The following CEMIP2 variants were observed in gnomAD, a reference collection of about 807,000 sequenced individuals.
The protein encoded by CEMIP2 is cell migration inducing hyaluronidase 2.
In CEMIP2, 79 loss-of-function variants were observed where a neutral mutation model predicts 146.9. The observed-to-expected ratio is 0.54, with a 90% CI of 0.45 to 0.65. The LOEUF (loss-of-function observed/expected upper bound fraction) is 0.65. Ranked by LOEUF, CEMIP2 falls within the 30% of genes least tolerant of loss-of-function variation. CEMIP2 has a pLI of 0.00. For synonymous variants in CEMIP2, 601 were observed against 606.3 expected, an observed-to-expected ratio of 0.99 and a Z score of 0.13; for missense variants, 1,596 against 1,696.2, an observed-to-expected ratio of 0.94 and a Z score of 1.04.
chr9:71,722,631 G>A, intron 11 of CEMIP2, 116 bp from the exon 12 acceptor site: 1 of 710,600 alleles, frequency 1.4e-6, no homozygotes, highest in East Asian at 2.9e-5. Context: ...AAGTGGGGCA[G>A]GGAATCAACA....
intron 19 of CEMIP2, 124 bp downstream of exon 19, chr9:71,700,517 AG>A: frequency 5.9e-6 from 2 of 336,460 alleles, no homozygotes; most frequent in Non-Finnish European, 8.5e-6. Context: ...CCTCTAATAG[AG>A]AAGATGTGCA....
intron 1 of CEMIP2, among the ~76,000 whole-genome samples, chr9:71,764,295 CAT>C (rs1040962222): frequency 6.6e-6 from 1 of 152,042 alleles, no homozygotes; most frequent in African/African-American, 2.4e-5. Flanking sequence ...AAAAAATATA[CAT>C]AGTGTCTGCC....
chr9:71,685,565 A>G (rs1005508306), intron 23 of CEMIP2, among the ~76,000 whole-genome samples, 172 bp from the exon 24 acceptor site: 1 of 152,150 alleles, frequency 6.6e-6, no homozygotes, highest in Admixed American at 6.5e-5. Context: ...TTTGCCCCAG[A>G]TAACAAACCA....
At chr9:71,764,506 ATTATT>A (rs1252066893) in intron 1 of CEMIP2, among the ~76,000 whole-genome samples, 1 of 151,512 alleles carries the variant, frequency 6.6e-6, no homozygotes, top group Non-Finnish European at 1.5e-5. Flanking sequence ...ACCTTACCTA[ATTATT>A]TAGCCTCTCT....
chr9:71,702,271 A>AC (rs1380272724), intron 18 of CEMIP2, among the ~76,000 whole-genome samples: 1 of 151,296 alleles, frequency 6.6e-6, no homozygotes, highest in Non-Finnish European at 1.5e-5. Context: ...GAAAAAAAAA[A>AC]AAAAAAAAAT....
At chr9:71,730,316 G>A in intron 8 of CEMIP2, 63 bp from the exon 9 acceptor site, 1 of 1,502,960 alleles carries the variant, frequency 6.7e-7, no homozygotes, top group South Asian at 1.2e-5. Flanking sequence ...TAAGTGACAA[G>A]CGCTATCCAG....
Position 71,750,103 on chromosome 9 carries a change from A to C in CEMIP2, c.271T>G (p.Phe91Val). ...NTFICFAITS[F>V]SFFIALAIIL... ...ATTGCAAGTGCAATAAAAAATGAGA[A>C]ACTAGTAATAGCAAAACAAATGAAA... Residue 91 changes from phenylalanine to valine, a missense_variant, in exon 2 of 24, where the codon TTC becomes GTC. Transcript: ENST00000377044. The C allele has an allele frequency of 6.2e-7, 1 of 1,613,416 alleles. No individual in the cohort carries two copies. The highest frequency in any genetic ancestry group is 8.5e-7 in the Non-Finnish European group (1 of 1,179,830).
intron 12 of CEMIP2, 83 bp from the exon 13 acceptor site, chr9:71,718,162 C>A: frequency 7.8e-7 from 1 of 1,278,760 alleles, no homozygotes; most frequent in Non-Finnish European, 1.0e-6. Flanking sequence ...TGTCAAGAAG[C>A]AGAATTTAAA....
chr9:71,756,415 G>A (rs892290813), intron 1 of CEMIP2, among the ~76,000 whole-genome samples: 10 of 150,544 alleles, frequency 6.6e-5, no homozygotes, highest in African/African-American at 2.5e-4. Context: ...CTTTCATTCA[G>A]AAATCAATTT....
At chr9:71,714,572 C>T (rs778204859) in intron 15 of CEMIP2, among the ~76,000 whole-genome samples, 1 of 151,912 alleles carries the variant, frequency 6.6e-6, no homozygotes, top group African/African-American at 2.4e-5. Context: ...AAAAACTGAC[C>T]TAATGTCATA....
At position 71,697,993 on chromosome 9, in the gene CEMIP2, T is replaced by C. The variant is rs533182712; in HGVS notation, c.3589A>G (p.Thr1197Ala). 5 of 1,613,530 alleles carry C rather than the reference T, an allele frequency of 3.1e-6. No individual in the cohort carries two copies. Among genetic ancestry groups the C allele is most frequent in the African/African-American group, 2.7e-5 (2 of 75,052 alleles). ...TTTTCATCCTTGTTTACCTGCCGAGTGCCACAGCCTTGACAGAGTCCAGTG... is the reference window on the plus strand; with the variant it reads ...TTTTCATCCTTGTTTACCTGCCGAGCGCCACAGCCTTGACAGAGTCCAGTG... ...MLTGLCQGCG[T>A]RQVVFTSDPH... Residue 1197 changes from threonine to alanine, a missense_variant, in exon 20 of 24, where the codon ACT becomes GCT. Transcript: ENST00000377044.
rs774320074 is a variant in CEMIP2 at position 71,714,943 on chromosome 9, G to A, written c.2582C>T (p.Pro861Leu). The change falls in exon 15 of 24, where the codon CCC (proline) becomes CTC (leucine). Residue 861 changes from proline (P) to leucine (L), a missense_variant. By Grantham distance (98) the Pro-to-Leu change is moderately conservative. Coordinates refer to ENST00000377044, the MANE Select transcript of CEMIP2 (RefSeq NM_013390.3). ...CTAAAGCAATGCTTACCTGTTCCTG[G>A]GTAATGTTCGAGGCTTCTGGTCTAT... is the stretch of plus-strand genomic sequence containing the variant. ...GGIDQKPRTL[P>L]RNRTFPIRGF... 4 of 1,612,864 alleles carry A rather than the reference G, an allele frequency of 2.5e-6. No individual in the cohort carries two copies. The African/African-American group carries it at 5.3e-5, about 22-fold the overall frequency.
intron 18 of CEMIP2, 54 bp from the exon 19 acceptor site, chr9:71,700,878 A>C: frequency 2.7e-6 from 4 of 1,504,084 alleles, no homozygotes; most frequent in Non-Finnish European, 3.6e-6. Flanking sequence ...TTATCTGTTA[A>C]GTACTATAGC....
At chr9:71,759,213 T>C (rs1824552752) in intron 1 of CEMIP2, among the ~76,000 whole-genome samples, 1 of 152,176 alleles carries the variant, frequency 6.6e-6, no homozygotes, top group Non-Finnish European at 1.5e-5. Flanking sequence ...ATATAAGTGA[T>C]ATTCCCAAGT....
At chr9:71,693,448 C>T (rs7859158) in intron 21 of CEMIP2, among the ~76,000 whole-genome samples, 2,088 of 152,336 alleles carry the variant, frequency 0.014, 41 homozygotes, top group African/African-American at 0.045. Flanking sequence ...AGACAACTAA[C>T]ACTTTGCATC....
At position 71,704,802 on chromosome 9, in the gene CEMIP2, A is replaced by T; in HGVS notation, c.2987T>A (p.Val996Asp). 6.2e-7 allele frequency: 1 copy of T among 1,612,406 alleles called. No homozygotes were observed. Among genetic ancestry groups the T allele is most frequent in the Non-Finnish European group, 8.5e-7 (1 of 1,178,614 alleles). ...CTGAGTGCTCCATGTCTGTACATAG[A>T]CCTTGAAAAAATAATCAAGAAGTAA... ...AVICSGTYAQ[V>D]YVQTWSTQNL... is the part of the protein sequence containing the mutation. The change falls in exon 18 of 24, where the codon GTC becomes GAC. Residue 996 changes from valine (V) to aspartate (D), a missense_variant and splice_region_variant. Transcript: ENST00000377044.
At chr9:71,716,419 A>C in intron 14 of CEMIP2, 98 bp downstream of exon 14, 1 of 1,064,616 alleles carries the variant, frequency 9.4e-7, no homozygotes, top group East Asian at 2.6e-5. Context: ...TTTTATGTTA[A>C]AAAAAATAAT....
Position 71,694,541 on chromosome 9 carries a change from C to T in CEMIP2, c.3664G>A (p.Glu1222Lys), listed in dbSNP as rs780904448. 16 of 1,613,812 alleles carry T rather than the reference C, an allele frequency of 9.9e-6. No homozygotes were observed. The highest frequency in any genetic ancestry group is 1.3e-5 in the Non-Finnish European group (15 of 1,179,926). ...PVQFQSPDKA[E>K]TQRGDPSVIS... is the part of the protein sequence containing the mutation. ...ACAGACGGGTCTCCACGCTGGGTTT[C>T]TGCTTTATCAGGTGACTGGAATTGC... The change falls in exon 21 of 24, where the codon GAA becomes AAA. Residue 1222 changes from glutamate (E) to lysine (K), a missense_variant. Glu to Lys is a moderately conservative substitution (Grantham distance 56). Transcript: ENST00000377044.
chr9:71,717,866 C>T, intron 13 of CEMIP2, 82 bp downstream of exon 13: 3 of 1,318,544 alleles, frequency 2.3e-6, no homozygotes, highest in East Asian at 4.8e-5. Context: ...CATCACTGTG[C>T]TTTCATGCTA....
Sources: allele counts gnomAD v4.1 joint callset (sites outside exome capture counted in the v4.1 genomes callset), GRCh38; gene constraint gnomAD v4.1.1; transcripts MANE v1.5; gene names NCBI Gene and HGNC (gene_info 2026-07-23, HGNC 2026-07-21).